The following DYNC2H1 variants were observed in gnomAD, a reference collection of about 807,000 sequenced individuals.
DYNC2H1 encodes the protein dynein cytoplasmic 2 heavy chain 1, also known as cytoplasmic dynein 2 heavy chain 1.
DYNC2H1 carries 410 observed loss-of-function variants against 570.0 expected under a neutral mutation model. That is an observed-to-expected ratio of 0.72 (90% CI 0.66 to 0.78). The LOEUF (loss-of-function observed/expected upper bound fraction) is 0.78, where lower values mean the gene tolerates loss of function less well. Among genes scored for constraint, DYNC2H1 ranks in the 30% least tolerant of loss-of-function variants. The probability of loss-of-function intolerance (pLI) is 0.00; values close to 1 mark genes in which losing one functional copy is unlikely to be tolerated. For synonymous variants in DYNC2H1, 1,688 were observed against 1,677.6 expected (o/e 1.01, Z -0.15); for missense variants, 4,865 against 5,046.4 (o/e 0.96, Z 1.09).
At position 103,305,794 on chromosome 11, in the gene DYNC2H1, AATC is replaced by A. The variant is rs1329331494; in HGVS notation, c.11382+1076_11382+1078del. 6.6e-6 allele frequency among the ~76,000 whole-genome samples: 1 copy of A among 152,222 alleles called. No individual in the cohort carries two copies. Among genetic ancestry groups the A allele is most frequent in the Non-Finnish European group, 1.5e-5 (1 of 68,038 alleles). ...TGGTGATTCGTGATTCATTACTTGTAATCAAGAGAAGATACAGATTTTGGACTA... is the reference window on the plus strand; with the variant it reads ...TGGTGATTCGTGATTCATTACTTGTAAAGAGAAGATACAGATTTTGGACTA... On this transcript the variant is annotated intron_variant, in intron 77 of 88. Transcript: ENST00000375735. This position sits in a 1 kb window ranked among gnomAD's most constrained non-coding sequence, Gnocchi z 4.3.
At chr11:103,214,829 T>A (rs900739543) in intron 54 of DYNC2H1, among the ~76,000 whole-genome samples, 3 of 151,630 alleles carry the variant, frequency 2.0e-5, no homozygotes, top group African/African-American at 7.3e-5. Flanking sequence ...TTTCTTTCAT[T>A]GGTATGCTGT....
In DYNC2H1 at chr11:103,189,801, A is replaced by C; in HGVS notation, c.7422A>C (p.Val2474=). ...SKIYLLAGSM[V]QVYEQVRAKF... ...TTTATCTTTTAGCAGGATCTATGGT[A>C]CAAGTGTATGAACAGGTAGATATGC... is the stretch of plus-strand genomic sequence containing the variant. The change falls in exon 45 of 89, where the codon GTA becomes GTC. Residue 2474 remains valine, a synonymous_variant. Coordinates refer to ENST00000375735, the MANE Select transcript of DYNC2H1 (RefSeq NM_001377.3). The surrounding 1 kb of genome is among the most constrained non-coding windows in gnomAD (Gnocchi z 4.3). 6.2e-7 allele frequency: 1 copy of C among 1,609,402 alleles called. No individual in the cohort carries two copies. Among genetic ancestry groups the C allele is most frequent in the Non-Finnish European group, 8.5e-7 (1 of 1,178,542 alleles).
At chr11:103,384,115 C>G (rs1005125094) in intron 83 of DYNC2H1, among the ~76,000 whole-genome samples, 6 of 152,118 alleles carry the variant, frequency 3.9e-5, no homozygotes, top group African/African-American at 1.4e-4. Flanking sequence ...CTATTGTTGA[C>G]TGCTGTCCTC....
chr11:103,140,105 T>C (rs1300444473), intron 17 of DYNC2H1, among the ~76,000 whole-genome samples: 1 of 152,174 alleles, frequency 6.6e-6, no homozygotes, highest in East Asian at 1.9e-4. Flanking sequence ...GAGCCTATGT[T>C]GTCTCTGCAC....
chr11:103,393,668 T>C (rs1942267677), intron 83 of DYNC2H1, among the ~76,000 whole-genome samples: 1 of 152,212 alleles, frequency 6.6e-6, no homozygotes, highest in Non-Finnish European at 1.5e-5. Context: ...TTAGCTTCCA[T>C]GCCTCAGATC....
intron 83 of DYNC2H1, among the ~76,000 whole-genome samples, chr11:103,365,704 T>C (rs1024650960): frequency 6.6e-6 from 1 of 152,134 alleles, no homozygotes; most frequent in African/African-American, 2.4e-5. Context: ...ACAGGGAAAA[T>C]TTTCTCTCTT....
intron 55 of DYNC2H1, among the ~76,000 whole-genome samples, chr11:103,217,629 C>T (rs563003544): frequency 2.0e-5 from 3 of 152,206 alleles, no homozygotes; most frequent in African/African-American, 7.2e-5. Flanking sequence ...AATTATAAAA[C>T]TTAGAAGAAA....
At chr11:103,124,895 A>G (rs1484010861) in intron 11 of DYNC2H1, among the ~76,000 whole-genome samples, 4 of 152,194 alleles carry the variant, frequency 2.6e-5, no homozygotes, top group Non-Finnish European at 4.4e-5. Context: ...GTGATGATCT[A>G]TTTTGGATAT....
chr11:103,351,271 A>G (rs980843056), intron 82 of DYNC2H1, among the ~76,000 whole-genome samples: 2 of 152,146 alleles, frequency 1.3e-5, no homozygotes, highest in Non-Finnish European at 2.9e-5. Flanking sequence ...AGATGCTAGC[A>G]TGGTATATCA....
intron 83 of DYNC2H1, among the ~76,000 whole-genome samples, chr11:103,399,149 G>T (rs4754929): frequency 0.52 from 62,338 of 120,904 alleles, 15,983 homozygotes; most frequent in African/African-American, 0.68. Flanking sequence ...TTTTTTTTTT[G>T]TTTTTTTTTT....
Position 103,186,023 on chromosome 11 carries a change from T to G in DYNC2H1, c.6634-219T>G, listed in dbSNP as rs1409136557. ...AGTGTATAAATAAATATCCACTATG[T>G]CATTATCTCCTATATATACTTTAAT... On this transcript the variant is annotated intron_variant, in intron 41 of 88. Coordinates refer to ENST00000375735, the MANE Select transcript of DYNC2H1 (RefSeq NM_001377.3). This position sits in a 1 kb window ranked among gnomAD's most constrained non-coding sequence, Gnocchi z 4.5. Among the ~76,000 whole-genome samples the G allele has an allele frequency of 1.3e-5, 2 of 152,022 alleles. No individual in the cohort carries two copies. Among genetic ancestry groups the G allele is most frequent in the African/African-American group, 4.8e-5 (2 of 41,428 alleles).
At chr11:103,394,197 A>C (rs1002157316) in intron 83 of DYNC2H1, among the ~76,000 whole-genome samples, 3 of 152,126 alleles carry the variant, frequency 2.0e-5, no homozygotes, top group African/African-American at 7.2e-5. Context: ...TGCTCAATTA[A>C]ATAACATATC....
chr11:103,428,540 T>C (rs1191975292), intron 84 of DYNC2H1, among the ~76,000 whole-genome samples: 1 of 152,174 alleles, frequency 6.6e-6, no homozygotes, highest in Admixed American at 6.5e-5. Flanking sequence ...AAGTATACAG[T>C]TCAGTAGTGC....
intron 83 of DYNC2H1, among the ~76,000 whole-genome samples, chr11:103,393,728 C>T (rs780523656): frequency 5.9e-5 from 9 of 152,108 alleles, no homozygotes; most frequent in South Asian, 2.1e-4. Context: ...TAATGACACA[C>T]CGGGACTGGG....
chr11:103,346,113 A>G (rs527746234), intron 82 of DYNC2H1, among the ~76,000 whole-genome samples: 3 of 152,306 alleles, frequency 2.0e-5, no homozygotes, highest in South Asian at 4.1e-4. Flanking sequence ...TGACTTTTCT[A>G]TTGCCAAAGA....
intron 70 of DYNC2H1, among the ~76,000 whole-genome samples, chr11:103,274,588 A>G (rs1400779651): frequency 6.6e-6 from 1 of 152,150 alleles, no homozygotes; most frequent in East Asian, 1.9e-4. Flanking sequence ...GCTCATCATT[A>G]TTTAACTACA....
At chr11:103,479,042 C>CT in intron 88 of DYNC2H1, 53 bp from the exon 89 acceptor site, 1 of 1,574,952 alleles carries the variant, frequency 6.3e-7, no homozygotes, top group Non-Finnish European at 8.7e-7. Context: ...ATCTAATAAT[C>CT]TGTTTCCAAA....
intron 81 of DYNC2H1, among the ~76,000 whole-genome samples, chr11:103,321,663 A>G (rs1003672813): frequency 6.6e-6 from 1 of 152,142 alleles, no homozygotes; most frequent in Non-Finnish European, 1.5e-5. Context: ...GCTTGTCTAA[A>G]TATGTAAAAT....
At chr11:103,311,033 GAAAT>G (rs1405334421) in intron 78 of DYNC2H1, among the ~76,000 whole-genome samples, 2 of 151,912 alleles carry the variant, frequency 1.3e-5, no homozygotes, top group Non-Finnish European at 2.9e-5. Flanking sequence ...TTTTACTTAA[GAAAT>G]AACAATGAAA....
Sources: gnomAD v4.1 joint callset for allele counts (sites outside exome capture counted in the v4.1 genomes callset) on GRCh38, gnomAD v4.1.1 for gene constraint, Gnocchi (gnomAD v3.1) non-coding constraint, MANE v1.5 for transcripts, NCBI Gene and HGNC (gene_info 2026-07-23, HGNC 2026-07-21) for gene names.